Variants in PKNOX2 observed in about 807,000 individuals in gnomAD.
PKNOX2 encodes the protein homeobox protein PKNOX2.
PKNOX2 carries 14 observed loss-of-function variants against 53.1 expected under a neutral mutation model. The observed-to-expected ratio is 0.26, with a 90% CI of 0.17 to 0.41. PKNOX2 has a LOEUF of 0.41. Ranked by LOEUF, PKNOX2 falls within the 10% of genes least tolerant of loss-of-function variation. The probability of loss-of-function intolerance (pLI) is 1.00; values close to 1 mark genes in which losing one functional copy is unlikely to be tolerated. For missense variants in PKNOX2, 496 were observed against 602.8 expected (o/e 0.82, Z 1.85); for synonymous variants, 257 against 242.8 (o/e 1.06, Z -0.54).
At chr11:125,329,100 C>T (rs1005541871) in intron 2 of PKNOX2, among the ~76,000 whole-genome samples, 1 of 152,114 alleles carries the variant, frequency 6.6e-6, no homozygotes, top group African/African-American at 2.4e-5. Flanking sequence ...ATCTAAACAA[C>T]AAATGTGAAG....
intron 2 of PKNOX2, among the ~76,000 whole-genome samples, chr11:125,264,277 C>T (rs1239581735): frequency 6.6e-6 from 1 of 152,134 alleles, no homozygotes; most frequent in East Asian, 1.9e-4. Context: ...AACCCCTCTC[C>T]TCTCCTGGGC....
At chr11:125,294,919 G>A (rs1348744545) in intron 2 of PKNOX2, among the ~76,000 whole-genome samples, 1 of 152,200 alleles carries the variant, frequency 6.6e-6, no homozygotes, top group Non-Finnish European at 1.5e-5. Flanking sequence ...GTGCAGAGGA[G>A]TAAACACCAG....
intron 2 of PKNOX2, among the ~76,000 whole-genome samples, chr11:125,257,901 C>T (rs1944533577): frequency 6.6e-6 from 1 of 152,182 alleles, no homozygotes; most frequent in African/African-American, 2.4e-5. Flanking sequence ...GAAGCACTTT[C>T]CCTATAGCCT....
At chr11:125,257,567 T>C (rs890370665) in intron 2 of PKNOX2, among the ~76,000 whole-genome samples, 2 of 152,218 alleles carry the variant, frequency 1.3e-5, no homozygotes, top group Non-Finnish European at 2.9e-5. Flanking sequence ...GAATCTGACA[T>C]TGGGCAGTTA....
At chr11:125,372,147 T>C (rs1952590782) in intron 5 of PKNOX2, among the ~76,000 whole-genome samples, 1 of 152,158 alleles carries the variant, frequency 6.6e-6, no homozygotes. Flanking sequence ...CCCATAAATA[T>C]ACCATAGTTC....
intron 1 of PKNOX2, among the ~76,000 whole-genome samples, chr11:125,192,226 T>C (rs1956921699): frequency 6.6e-6 from 1 of 152,100 alleles, no homozygotes; most frequent in South Asian, 2.1e-4. Flanking sequence ...TACATCTCAC[T>C]GATGTGAGGA....
intron 7 of PKNOX2, among the ~76,000 whole-genome samples, chr11:125,404,956 C>T (rs1173702817): frequency 6.6e-6 from 1 of 152,214 alleles, no homozygotes; most frequent in Non-Finnish European, 1.5e-5. Flanking sequence ...AACCGACCCC[C>T]ACCCGCCCCG....
At chr11:125,405,606 C>T (rs1028921014) in intron 7 of PKNOX2, among the ~76,000 whole-genome samples, 14 of 152,202 alleles carry the variant, frequency 9.2e-5, no homozygotes, top group African/African-American at 3.4e-4. Flanking sequence ...TGGAGTAAAA[C>T]TCCCCTGGGG....
intron 2 of PKNOX2, among the ~76,000 whole-genome samples, chr11:125,323,464 C>G (rs970214716): frequency 6.6e-6 from 1 of 152,190 alleles, no homozygotes; most frequent in Non-Finnish European, 1.5e-5. Flanking sequence ...GAAACCTCTG[C>G]AAGGCACAAG....
At chr11:125,282,790 C>G (rs1376619587) in intron 2 of PKNOX2, among the ~76,000 whole-genome samples, 2 of 152,222 alleles carry the variant, frequency 1.3e-5, no homozygotes, top group Admixed American at 6.5e-5. Flanking sequence ...ATTTGGTAGT[C>G]ACTATTCACA....
At chr11:125,179,085 C>A (rs1955999151) in intron 1 of PKNOX2, among the ~76,000 whole-genome samples, 1 of 152,178 alleles carries the variant, frequency 6.6e-6, no homozygotes, top group African/African-American at 2.4e-5. Context: ...GTGTTTGTCC[C>A]ACCGTGTGTC....
chr11:125,299,219 G>A (rs1947865278), intron 2 of PKNOX2, among the ~76,000 whole-genome samples: 1 of 152,156 alleles, frequency 6.6e-6, no homozygotes, highest in Non-Finnish European at 1.5e-5. Context: ...CATGGGGAGA[G>A]CACCAAGCCG....
chr11:125,302,115 A>G (rs1948117411), intron 2 of PKNOX2, among the ~76,000 whole-genome samples: 1 of 152,144 alleles, frequency 6.6e-6, no homozygotes. Flanking sequence ...TGCTGCCTGG[A>G]GGAGGTCCAG....
chr11:125,416,111 G>T (rs531417796), intron 10 of PKNOX2, among the ~76,000 whole-genome samples: 1 of 151,550 alleles, frequency 6.6e-6, no homozygotes, highest in Non-Finnish European at 1.5e-5. Flanking sequence ...AGACCATCCC[G>T]GCTAAAACGG....
At chr11:125,328,560 A>G (rs1023751472) in intron 2 of PKNOX2, among the ~76,000 whole-genome samples, 1 of 152,158 alleles carries the variant, frequency 6.6e-6, no homozygotes, top group Admixed American at 6.5e-5. Context: ...CAGATCTGTC[A>G]TTTACCAAGT....
At chr11:125,429,838 C>T (rs1956608931) in intron 11 of PKNOX2, 125 bp from the exon 12 acceptor site, 1 of 1,141,460 alleles carries the variant, frequency 8.8e-7, no homozygotes, top group South Asian at 1.6e-5. Flanking sequence ...TGGGCTTTTA[C>T]ATCCGGGATG....
intron 2 of PKNOX2, among the ~76,000 whole-genome samples, chr11:125,273,074 A>G (rs988608229): frequency 3.9e-5 from 6 of 152,220 alleles, no homozygotes; most frequent in African/African-American, 1.4e-4. Context: ...CGCCCAGTCC[A>G]GGGTGAGAGG....
At chr11:125,393,004 T>TTAAA (rs1555169470) in intron 6 of PKNOX2, among the ~76,000 whole-genome samples, 1 of 145,398 alleles carries the variant, frequency 6.9e-6, no homozygotes, top group Non-Finnish European at 1.5e-5. Flanking sequence ...TAAAAATACA[T>TTAAA]AAAAAAAAAA....
intron 5 of PKNOX2, among the ~76,000 whole-genome samples, chr11:125,378,758 C>A (rs928244893): frequency 1.5e-4 from 23 of 152,140 alleles, no homozygotes; most frequent in African/African-American, 5.6e-4. Flanking sequence ...AAGTTTATCA[C>A]CCAGAAAGAG....
Sources: gnomAD v4.1 joint callset for allele counts (sites outside exome capture counted in the v4.1 genomes callset) on GRCh38, gnomAD v4.1.1 for gene constraint, MANE v1.5 for transcripts, NCBI Gene and HGNC (gene_info 2026-07-23, HGNC 2026-07-21) for gene names.